FNDC1: variants seen among roughly 807,000 people sequenced by gnomAD.
FNDC1 encodes the protein fibronectin type III domain-containing protein 1.
In FNDC1, 96 loss-of-function variants were observed where a neutral mutation model predicts 168.0. That is an observed-to-expected ratio of 0.57 (90% CI 0.48 to 0.68). The LOEUF (loss-of-function observed/expected upper bound fraction) is 0.68. Among genes scored for constraint, FNDC1 ranks in the 30% least tolerant of loss-of-function variants. FNDC1 has a pLI of 0.00. For synonymous variants in FNDC1, 1,099 were observed against 1,025.9 expected, an observed-to-expected ratio of 1.07 and a Z score of -1.36; for missense variants, 2,587 against 2,482.1, an observed-to-expected ratio of 1.04 and a Z score of -0.90.
chr6:159,237,957 T>C (rs1783302397), intron 12 of FNDC1, among the ~76,000 whole-genome samples: 1 of 152,208 alleles, frequency 6.6e-6, no homozygotes, highest in Non-Finnish European at 1.5e-5. Context: ...GAGAGACACA[T>C]TGTTTCCTTC....
At chr6:159,266,680 GTT>G (rs10616860) in intron 21 of FNDC1, among the ~76,000 whole-genome samples, 19,833 of 143,336 alleles carry the variant, frequency 0.14, 1,542 homozygotes, top group East Asian at 0.34. Flanking sequence ...GAAATCTAGG[GTT>G]TTTTTTTTTT....
At chr6:159,257,077 A>C (rs892571657) in intron 18 of FNDC1, among the ~76,000 whole-genome samples, 15 of 152,266 alleles carry the variant, frequency 9.9e-5, no homozygotes, top group African/African-American at 3.6e-4. Flanking sequence ...ACACATTTGT[A>C]GAGGTTATAA....
At chr6:159,241,621 C>T (rs1376357568) in intron 14 of FNDC1, among the ~76,000 whole-genome samples, 8 of 152,188 alleles carry the variant, frequency 5.3e-5, no homozygotes, top group Non-Finnish European at 8.8e-5. Flanking sequence ...ATCCTCATAT[C>T]GCATTTTAAT....
At chr6:159,176,718 C>G (rs746308724) in intron 1 of FNDC1, among the ~76,000 whole-genome samples, 1 of 152,046 alleles carries the variant, frequency 6.6e-6, no homozygotes, top group Non-Finnish European at 1.5e-5. Context: ...TGGTGGCCAC[C>G]GAGGGAGTGC....
At chr6:159,261,070 TTGTAAA>T (rs1342740476) in intron 18 of FNDC1, 114 bp from the exon 19 acceptor site, 33 of 697,256 alleles carry the variant, frequency 4.7e-5, no homozygotes, top group Middle Eastern at 2.9e-4. Context: ...CTGTATGCAT[TTGTAAA>T]AAGTAGAACT....
At chr6:159,222,658 A>G (rs1368249435) in intron 6 of FNDC1, among the ~76,000 whole-genome samples, 2 of 152,238 alleles carry the variant, frequency 1.3e-5, no homozygotes, top group Non-Finnish European at 2.9e-5. Context: ...GAAATTGGCA[A>G]ACTGACTTCT....
At position 159,200,073 on chromosome 6, in the gene FNDC1, A is replaced by T. The variant is rs772522613; in HGVS notation, c.382A>T (p.Ser128Cys). 1.3e-6 allele frequency: 2 copies of T among 1,596,032 alleles called. No individual in the cohort carries two copies. The highest frequency in any genetic ancestry group is 3.5e-5 in the Admixed American group (2 of 57,578). Residue 128 changes from serine (S) to cysteine (C), a missense_variant, in exon 3 of 23, where the codon AGC becomes TGC. By Grantham distance (112) the Ser-to-Cys change is moderately radical. Coordinates refer to ENST00000297267, the MANE Select transcript of FNDC1 (RefSeq NM_032532.3). ...GVSRPVYRAE[S>C]PPGGEWIEID... ...GAGCCGTCCTGTTTACAGAGCTGAA[A>T]GCCCACCTGGTAAGTCCTATCTAGA...
At chr6:159,215,590 A>G (rs996799423) in intron 5 of FNDC1, among the ~76,000 whole-genome samples, 1 of 152,218 alleles carries the variant, frequency 6.6e-6, no homozygotes, top group African/African-American at 2.4e-5. Flanking sequence ...CTCTAGAGGG[A>G]CAGAACTAAT....
intron 1 of FNDC1, among the ~76,000 whole-genome samples, chr6:159,191,479 C>T (rs936572463): frequency 6.6e-6 from 1 of 152,164 alleles, no homozygotes; most frequent in Non-Finnish European, 1.5e-5. Flanking sequence ...GCAACTGTTC[C>T]ATAACTCATT....
At position 159,223,579 on chromosome 6, in the gene FNDC1, C is replaced by T. The variant is rs771043540; in HGVS notation, c.818C>T (p.Ser273Phe). 3 of 1,613,744 alleles carry T rather than the reference C, an allele frequency of 1.9e-6. No individual in the cohort carries two copies. Among genetic ancestry groups the T allele is most frequent in the Non-Finnish European group, 2.5e-6 (3 of 1,179,834 alleles). ...GACATCAGCGTCCGGGTTATGTCAT[C>T]TCAGTCTGTGCTTGTGTCCTGGGTG... ...PDDISVRVMS[S>F]QSVLVSWVDP... Residue 273 changes from serine to phenylalanine, a missense_variant, in exon 7 of 23, where the codon TCT becomes TTT. Ser to Phe is a radical substitution (Grantham distance 155). Coordinates refer to ENST00000297267, the MANE Select transcript of FNDC1 (RefSeq NM_032532.3).
At chr6:159,189,986 T>C (rs1364417476) in intron 1 of FNDC1, among the ~76,000 whole-genome samples, 1 of 152,150 alleles carries the variant, frequency 6.6e-6, no homozygotes, top group African/African-American at 2.4e-5. Flanking sequence ...AGCCTGGAGG[T>C]CAGCTTGACT....
chr6:159,256,230 A>C (rs1255865055), intron 17 of FNDC1, among the ~76,000 whole-genome samples: 1 of 152,232 alleles, frequency 6.6e-6, no homozygotes, highest in Non-Finnish European at 1.5e-5. Context: ...TGTGTGATCA[A>C]GATGAGACGT....
chr6:159,210,104 C>T (rs377095274), intron 4 of FNDC1, among the ~76,000 whole-genome samples: 10 of 152,334 alleles, frequency 6.6e-5, no homozygotes, highest in South Asian at 4.1e-4. Context: ...TCTCTGTAAG[C>T]GGGGCACATG....
intron 17 of FNDC1, among the ~76,000 whole-genome samples, chr6:159,254,136 T>C (rs1236515291): frequency 1.3e-5 from 2 of 152,190 alleles, no homozygotes; most frequent in Non-Finnish European, 2.9e-5. Flanking sequence ...GATCATAGGG[T>C]GCTAAATAAA....
chr6:159,195,362 G>A (rs1187886405), intron 1 of FNDC1, among the ~76,000 whole-genome samples: 1 of 142,922 alleles, frequency 7.0e-6, no homozygotes, highest in Non-Finnish European at 1.5e-5. Context: ...ATTGTGGTGG[G>A]TAGGGAGGAA....
intron 9 of FNDC1, among the ~76,000 whole-genome samples, chr6:159,228,977 C>T (rs1390993591): frequency 6.6e-6 from 1 of 152,122 alleles, no homozygotes; most frequent in Non-Finnish European, 1.5e-5. Context: ...TGCCCAGCCC[C>T]TACTCATATT....
chr6:159,233,320 A>T lies in FNDC1; in HGVS notation c.2808A>T (p.Thr936=). 5 of 1,613,910 alleles carry T rather than the reference A, an allele frequency of 3.1e-6. No individual in the cohort carries two copies. Among genetic ancestry groups the T allele is most frequent in the Non-Finnish European group, 4.2e-6 (5 of 1,179,858 alleles). ...ACCCCAAATCCACAGGGGCAGATAC[A>T]CATCCTCAGGGCAAGTACTCCTCCC... ...PENPKSTGAD[T]HPQGKYSSLA... is the part of the protein sequence containing the mutation. The change falls in exon 11 of 23, where the codon ACA becomes ACT. Residue 936 remains threonine, a synonymous_variant. Coordinates refer to ENST00000297267, the MANE Select transcript of FNDC1 (RefSeq NM_032532.3). The surrounding 1 kb of genome is among the most constrained non-coding windows in gnomAD (Gnocchi z 4.6).
intron 4 of FNDC1, among the ~76,000 whole-genome samples, chr6:159,208,230 A>G (rs1782528505): frequency 6.6e-6 from 1 of 152,236 alleles, no homozygotes; most frequent in Non-Finnish European, 1.5e-5. Context: ...ACTGACCCCA[A>G]GCTGCTGTTG....
At chr6:159,267,291 G>C (rs1012807499) in intron 21 of FNDC1, among the ~76,000 whole-genome samples, 2 of 151,984 alleles carry the variant, frequency 1.3e-5, no homozygotes, top group Non-Finnish European at 2.9e-5. Flanking sequence ...ATTCCTAGGA[G>C]AGGCTGCATA....
Sources: gnomAD v4.1 joint callset for allele counts (sites outside exome capture counted in the v4.1 genomes callset) on GRCh38, gnomAD v4.1.1 for gene constraint, Gnocchi (gnomAD v3.1) non-coding constraint, MANE v1.5 for transcripts, NCBI Gene and HGNC (gene_info 2026-07-23, HGNC 2026-07-21) for gene names.